MBNL1: variants seen among roughly 807,000 people sequenced by gnomAD.
The protein encoded by MBNL1 is muscleblind-like protein 1.
MBNL1 carries 8 observed loss-of-function variants against 42.2 expected under a neutral mutation model. That is an observed-to-expected ratio of 0.19 (90% confidence interval 0.11 to 0.34). The LOEUF (loss-of-function observed/expected upper bound fraction) is 0.34. Among genes scored for constraint, MBNL1 ranks in the 10% least tolerant of loss-of-function variants. The probability of loss-of-function intolerance (pLI) is 1.00; values close to 1 mark genes in which losing one functional copy is unlikely to be tolerated. For synonymous variants in MBNL1, 169 were observed against 173.9 expected, an observed-to-expected ratio of 0.97 and a Z score of 0.22; for missense variants, 309 against 495.3, an observed-to-expected ratio of 0.62 and a Z score of 3.57.
At chr3:152,415,468 T>C (rs2153650684) in intron 3 of MBNL1, among the ~76,000 whole-genome samples, 1 of 152,364 alleles carries the variant, frequency 6.6e-6, no homozygotes, top group Middle Eastern at 3.4e-3. Context: ...GTAATAATGA[T>C]ATTTAAAATT....
chr3:152,392,419 T>C (rs1018961452), intron 2 of MBNL1, among the ~76,000 whole-genome samples: 4 of 152,190 alleles, frequency 2.6e-5, no homozygotes, highest in African/African-American at 9.7e-5. Context: ...TTGTACATAT[T>C]TACATTTCAT....
chr3:152,342,175 G>A (rs1456305587), intron 2 of MBNL1, among the ~76,000 whole-genome samples: 1 of 152,110 alleles, frequency 6.6e-6, no homozygotes, highest in Non-Finnish European at 1.5e-5. Flanking sequence ...CTTGTTAGTT[G>A]TAAATCTGGC....
intron 8 of MBNL1, 39 bp downstream of exon 8, chr3:152,456,400 C>CT: frequency 1.3e-6 from 2 of 1,526,026 alleles, no homozygotes; most frequent in Non-Finnish European, 1.8e-6. Context: ...AAAAACAACT[C>CT]TAATAGGGCT....
intron 6 of MBNL1, among the ~76,000 whole-genome samples, chr3:152,455,123 G>A (rs113111243): frequency 2.6e-4 from 39 of 151,390 alleles, no homozygotes; most frequent in African/African-American, 9.2e-4. Context: ...TCTTTAGTAA[G>A]TTAATATGTG....
rs192728365 is a variant in MBNL1, at chr3:152,378,343, T to A, written c.175-36598T>A. Among the ~76,000 whole-genome samples, 1,214 of 152,214 alleles carry A rather than the reference T, an allele frequency of 8.0e-3. 11 individuals carry two copies. Among genetic ancestry groups the A allele is most frequent in the African/African-American group, 0.018 (748 of 41,538 alleles). ...AGCAAGACTCTATGTCTATTTTTTT[T>A]AAAAATTAATGTATGTTCTAGCTAC... On this transcript the variant is annotated intron_variant, in intron 2 of 9. Transcript: ENST00000324210.
chr3:152,330,891 G>A (rs1410121638), intron 2 of MBNL1, among the ~76,000 whole-genome samples: 3 of 151,946 alleles, frequency 2.0e-5, no homozygotes, highest in African/African-American at 7.3e-5. Context: ...ATCCTCTGGG[G>A]GTCTTGGAAT....
At chr3:152,456,225 C>A in intron 7 of MBNL1, 42 bp from the exon 8 acceptor site, 1 of 1,353,356 alleles carries the variant, frequency 7.4e-7, no homozygotes, top group Non-Finnish European at 1.1e-6. Context: ...CATATTGCTA[C>A]ACTCTTCTGT....
In MBNL1 at chr3:152,369,045, A is replaced by G. The variant is rs937277716; in HGVS notation, c.175-45896A>G. Among the ~76,000 whole-genome samples the G allele has an allele frequency of 1.5e-4, 23 of 152,298 alleles. 2 individuals are homozygous for G. The highest frequency in any genetic ancestry group is 5.3e-4 in the African/African-American group (22 of 41,558). The stretch of plus-strand genomic sequence containing the variant: ...TGCCCTGGCCAGAACCTCCAATGCG[A>G]TGCTGAATAGGAGTGGTAAGAGAGG... On this transcript the variant is annotated intron_variant, in intron 2 of 9. Transcript: ENST00000324210.
intron 5 of MBNL1, 125 bp downstream of exon 5, chr3:152,445,664 G>C: frequency 3.0e-6 from 3 of 986,190 alleles, no homozygotes; most frequent in Non-Finnish European, 4.4e-6. Context: ...TGTTTGTTCA[G>C]GTATCCCAGA....
intron 1 of MBNL1, among the ~76,000 whole-genome samples, chr3:152,281,303 C>G (rs1226245856): frequency 6.6e-6 from 1 of 152,000 alleles, no homozygotes; most frequent in Non-Finnish European, 1.5e-5. Context: ...TGTTTTTCTG[C>G]TTGTTTATTT....
intron 6 of MBNL1, among the ~76,000 whole-genome samples, chr3:152,452,390 A>T (rs1725084835): frequency 6.6e-6 from 1 of 152,140 alleles, no homozygotes; most frequent in Non-Finnish European, 1.5e-5. Context: ...CCAGGACTAC[A>T]TGCCCCAGCT....
intron 2 of MBNL1, among the ~76,000 whole-genome samples, chr3:152,364,838 A>G (rs2096254902): frequency 6.6e-6 from 1 of 151,954 alleles, no homozygotes; most frequent in African/African-American, 2.4e-5. Context: ...AAGGAATACA[A>G]TTTGTTATTT....
At chr3:152,276,300 A>G (rs1324331699) in intron 1 of MBNL1, among the ~76,000 whole-genome samples, 3 of 152,188 alleles carry the variant, frequency 2.0e-5, no homozygotes, top group Non-Finnish European at 4.4e-5. Flanking sequence ...TAATTAATTC[A>G]TTTATTCCTC....
chr3:152,397,742 C>G (rs555938934), intron 2 of MBNL1, among the ~76,000 whole-genome samples: 13 of 152,140 alleles, frequency 8.5e-5, no homozygotes, highest in African/African-American at 2.9e-4. Context: ...AAATATTTTC[C>G]TACTGTGTGT....
chr3:152,394,460 A>G (rs2097848175), intron 2 of MBNL1, among the ~76,000 whole-genome samples: 1 of 152,234 alleles, frequency 6.6e-6, no homozygotes. Context: ...TGACACCTTA[A>G]TTGTTCTGTG....
At chr3:152,422,458 TACAG>T (rs2098823042) in intron 3 of MBNL1, among the ~76,000 whole-genome samples, 1 of 152,096 alleles carries the variant, frequency 6.6e-6, no homozygotes, top group Non-Finnish European at 1.5e-5. Flanking sequence ...AGCAAGTTCT[TACAG>T]ACCTACAAAG....
intron 8 of MBNL1, chr3:152,458,248 G>A: frequency 6.8e-7 from 1 of 1,464,192 alleles, no homozygotes; most frequent in Non-Finnish European, 9.6e-7. Context: ...TGCCAATGCT[G>A]TAAAATTGTG....
intron 2 of MBNL1, 58 bp downstream of exon 2, chr3:152,300,425 A>G: frequency 7.2e-6 from 10 of 1,389,112 alleles, no homozygotes; most frequent in Non-Finnish European, 1.0e-5. Flanking sequence ...GGGTATATGG[A>G]CATACAGTTC....
chr3:152,396,392 T>C (rs2097937911), intron 2 of MBNL1, among the ~76,000 whole-genome samples: 1 of 152,116 alleles, frequency 6.6e-6, no homozygotes, highest in Non-Finnish European at 1.5e-5. Flanking sequence ...GCCAAAAAGG[T>C]TGGGGACCAC....
Sources: gnomAD v4.1 joint callset for allele counts (sites outside exome capture counted in the v4.1 genomes callset) on GRCh38, gnomAD v4.1.1 for gene constraint, MANE v1.5 for transcripts, NCBI Gene and HGNC (gene_info 2026-07-23, HGNC 2026-07-21) for gene names.